Variants in FBN2 observed in about 807,000 individuals in gnomAD.
FBN2 encodes fibrillin-2.
FBN2 carries 105 observed loss-of-function variants against 355.6 expected under a neutral mutation model. That is an observed-to-expected ratio of 0.30 (90% CI 0.25 to 0.35). The LOEUF (loss-of-function observed/expected upper bound fraction) is 0.35, where lower values mean the gene tolerates loss of function less well. FBN2 is among the 10% of genes least tolerant of loss of function. FBN2 has a pLI of 1.00. For missense variants in FBN2, 3,280 were observed against 3,758.7 expected (o/e 0.87, Z 3.33); for synonymous variants, 1,350 against 1,301.2 (o/e 1.04, Z -0.81).
At chr5:128,289,568 AGAGT>A (rs1240522568) in intron 51 of FBN2, among the ~76,000 whole-genome samples, 2 of 152,192 alleles carry the variant, frequency 1.3e-5, no homozygotes, top group Non-Finnish European at 2.9e-5. Context: ...AGCGGGCAAC[AGAGT>A]GAGACTCCAC....
rs754566945 is a variant in FBN2 at position 128,332,943 on chromosome 5, T to C, written c.4191A>G (p.Glu1397=). ...ACTTGATGCCGTTTCCAATCCAGCC[T>C]TCTCTGCAGCTACACTTGAAGCTTC... ...IPGSFKCSCR[E]GWIGNGIKCI... The change falls in exon 32 of 65, where the codon GAA becomes GAG. Residue 1397 remains glutamate, a synonymous_variant. Coordinates refer to ENST00000262464, the MANE Select transcript of FBN2 (RefSeq NM_001999.4). 13 of 1,613,924 alleles carry C rather than the reference T, an allele frequency of 8.1e-6. No individual in the cohort carries two copies. In the South Asian group the frequency reaches 1.3e-4, roughly 16 times the overall value.
chr5:128,375,586 T>A (rs1341538601), intron 14 of FBN2, among the ~76,000 whole-genome samples: 2 of 152,318 alleles, frequency 1.3e-5, no homozygotes, highest in Admixed American at 6.5e-5. Context: ...TCAGTCTCAA[T>A]TTTTTAACCT....
intron 11 of FBN2, among the ~76,000 whole-genome samples, chr5:128,385,660 C>T (rs1752348868): frequency 6.6e-6 from 1 of 152,090 alleles, no homozygotes; most frequent in South Asian, 2.1e-4. Context: ...CTAATTTACA[C>T]CCCCACCAGC....
At chr5:128,448,004 C>T (rs1243840603) in intron 6 of FBN2, among the ~76,000 whole-genome samples, 1 of 152,210 alleles carries the variant, frequency 6.6e-6, no homozygotes, top group African/African-American at 2.4e-5. Flanking sequence ...TGATCATGGG[C>T]ACTTGGTTTA....
chr5:128,300,304 A>T (rs1749677138), intron 48 of FBN2, among the ~76,000 whole-genome samples: 1 of 152,242 alleles, frequency 6.6e-6, no homozygotes, highest in Admixed American at 6.5e-5. Flanking sequence ...CACACTTTTG[A>T]TGTGGTTACA....
At chr5:128,452,803 G>C (rs1339054569) in intron 6 of FBN2, among the ~76,000 whole-genome samples, 1 of 152,008 alleles carries the variant, frequency 6.6e-6, no homozygotes, top group African/African-American at 2.4e-5. Context: ...GGTAAGGTTT[G>C]GGCTTCTAGT....
intron 59 of FBN2, 60 bp from the exon 60 acceptor site, chr5:128,274,743 T>C: frequency 2.9e-6 from 3 of 1,040,274 alleles, no homozygotes; most frequent in Non-Finnish European, 4.6e-6. Flanking sequence ...GTTTCCTTTC[T>C]TGTGAAGCCA....
At chr5:128,474,508 T>C (rs1339241179) in intron 5 of FBN2, among the ~76,000 whole-genome samples, 2 of 152,122 alleles carry the variant, frequency 1.3e-5, no homozygotes, top group African/African-American at 2.4e-5. Flanking sequence ...AGAAACAAGG[T>C]GCTTGAACAG....
At chr5:128,460,925 T>C (rs1489079812) in intron 6 of FBN2, among the ~76,000 whole-genome samples, 1 of 152,102 alleles carries the variant, frequency 6.6e-6, no homozygotes, top group East Asian at 1.9e-4. Flanking sequence ...AGTAATACCA[T>C]TCAGGACATA....
At chr5:128,535,391 C>T (rs190375311) in intron 2 of FBN2, among the ~76,000 whole-genome samples, 1 of 152,264 alleles carries the variant, frequency 6.6e-6, no homozygotes, top group Non-Finnish European at 1.5e-5. Context: ...GTGTGCCTTG[C>T]CCTTTTTCTC....
At chr5:128,314,832 T>A (rs970362124) in intron 36 of FBN2, among the ~76,000 whole-genome samples, 3 of 152,214 alleles carry the variant, frequency 2.0e-5, no homozygotes, top group African/African-American at 7.2e-5. Context: ...TTGTCATACA[T>A]CTCATTTCAT....
At chr5:128,535,909 C>T (rs1756833004) in intron 2 of FBN2, among the ~76,000 whole-genome samples, 1 of 151,502 alleles carries the variant, frequency 6.6e-6, no homozygotes, top group Non-Finnish European at 1.5e-5. Context: ...GAGAATGCTC[C>T]TTTCGTATCT....
intron 5 of FBN2, among the ~76,000 whole-genome samples, chr5:128,467,996 T>C (rs1040166557): frequency 6.6e-6 from 1 of 152,188 alleles, no homozygotes; most frequent in African/African-American, 2.4e-5. Flanking sequence ...TTCGCCTGTT[T>C]TAAGTGTAAA....
In FBN2 at chr5:128,409,170, T is replaced by C. The variant is rs534179230; in HGVS notation, c.953-371A>G. 1.4e-4 allele frequency among the ~76,000 whole-genome samples: 22 copies of C among 152,356 alleles called. No individual in the cohort carries two copies. The East Asian group carries it at 2.3e-3, about 16-fold the overall frequency. On this transcript the variant is annotated intron_variant, in intron 7 of 64. Transcript: ENST00000262464. The stretch of plus-strand genomic sequence containing the variant: ...CATACATGGATTACATTTTAAAATA[T>C]AGAATAACTGTATTTGAAAATGTAT...
intron 8 of FBN2, among the ~76,000 whole-genome samples, chr5:128,396,516 C>T (rs1037456780): frequency 6.6e-6 from 1 of 152,000 alleles, no homozygotes; most frequent in African/African-American, 2.4e-5. Flanking sequence ...TGTGCATTAT[C>T]CAGTAGGATT....
chr5:128,374,840 AC>A (rs1752040704), intron 14 of FBN2, 90 bp from the exon 15 acceptor site: 2 of 1,352,554 alleles, frequency 1.5e-6, no homozygotes, highest in Non-Finnish European at 1.0e-6. Context: ...TATACTACTA[AC>A]CTTTTGTTTA....
intron 34 of FBN2, among the ~76,000 whole-genome samples, chr5:128,327,445 T>C (rs1281218316): frequency 6.6e-6 from 1 of 152,036 alleles, no homozygotes; most frequent in Non-Finnish European, 1.5e-5. Flanking sequence ...AATTGTGTGT[T>C]TGTGTGTGTA....
At chr5:128,374,106 T>C (rs927632566) in intron 15 of FBN2, among the ~76,000 whole-genome samples, 1 of 152,174 alleles carries the variant, frequency 6.6e-6, no homozygotes, top group Non-Finnish European at 1.5e-5. Flanking sequence ...AGTATGCTAG[T>C]TTAAAAATAT....
intron 5 of FBN2, among the ~76,000 whole-genome samples, chr5:128,476,531 C>CA (rs1238410146): frequency 1.3e-5 from 2 of 150,434 alleles, no homozygotes; most frequent in South Asian, 2.1e-4. Flanking sequence ...TAAACTGAGT[C>CA]AAAAAAAGAG....
Sources: allele counts gnomAD v4.1 joint callset (sites outside exome capture counted in the v4.1 genomes callset), GRCh38; gene constraint gnomAD v4.1.1; transcripts MANE v1.5; gene names NCBI Gene and HGNC (gene_info 2026-07-23, HGNC 2026-07-21).